DISP3: variants seen among roughly 807,000 people sequenced by gnomAD.
DISP3 encodes protein dispatched homolog 3.
A neutral mutation model predicts 135.3 loss-of-function variants in DISP3; 101 were observed. That is an observed-to-expected ratio of 0.75 (90% CI 0.64 to 0.88). The LOEUF (loss-of-function observed/expected upper bound fraction) is 0.88. Among genes scored for constraint, DISP3 ranks in the 40% least tolerant of loss-of-function variants. DISP3 has a pLI of 0.00. For synonymous variants in DISP3, 856 were observed against 817.0 expected (o/e 1.05, Z -0.81); for missense variants, 1,713 against 1,878.6 (o/e 0.91, Z 1.63).
chr1:11,524,048 C>G lies in DISP3; in HGVS notation c.2469C>G (p.Thr823=). ...GVPWASRPEA[T]LQDFPGTVYI... Reference sequence around the variant, plus strand: ...CCTGGGCTAGCCGGCCTGAGGCCACCCTGCAGGGTGAGCACTGGGGGTGGA... The same window carrying G: ...CCTGGGCTAGCCGGCCTGAGGCCACGCTGCAGGGTGAGCACTGGGGGTGGA... The change falls in exon 11 of 21, where the codon ACC becomes ACG. Residue 823 remains threonine (T), a synonymous_variant. Transcript: ENST00000294484. 3 of 1,610,434 alleles carry G rather than the reference C, an allele frequency of 1.9e-6. No homozygotes were observed. Among genetic ancestry groups the G allele is most frequent in the Non-Finnish European group, 1.7e-6 (2 of 1,177,286 alleles).
chr1:11,514,383 C>T lies in DISP3; in HGVS notation c.1317-7C>T. ...CATTCTTTTCTCCACGTCCTCCCTT[C>T]CCCCAGCAAAGTCCAGGTTCTCTAT... is the stretch of plus-strand genomic sequence containing the variant. On this transcript the variant is annotated splice_polypyrimidine_tract_variant and splice_region_variant and intron_variant, in intron 3 of 20. Coordinates refer to ENST00000294484, the MANE Select transcript of DISP3 (RefSeq NM_020780.2). 6.2e-7 allele frequency: 1 copy of T among 1,606,920 alleles called. No homozygotes were observed. Among genetic ancestry groups the T allele is most frequent in the Non-Finnish European group, 8.5e-7 (1 of 1,173,586 alleles).
chr1:11,479,243 T>A lies in DISP3; in HGVS notation c.-133T>A, dbSNP rs1203775471. ...AGGGGGAGCCCCAGCCTCCTGCGGC[T>A]CCGAGAAGCTTCCCCCTGCGACTTC... is the stretch of plus-strand genomic sequence containing the variant. On this transcript the variant is annotated 5_prime_UTR_variant, in exon 1 of 21. Coordinates refer to ENST00000294484, the MANE Select transcript of DISP3 (RefSeq NM_020780.2). 6.2e-6 allele frequency: 1 copy of A among 160,176 alleles called. No homozygotes were observed. Among genetic ancestry groups the A allele is most frequent in the African/African-American group, 2.4e-5 (1 of 41,404 alleles). 9.9% of individuals were successfully genotyped at this position (160,176 alleles called of 1,614,324 possible).
intron 10 of DISP3, among the ~76,000 whole-genome samples, chr1:11,522,859 GACCCA>G (rs1642274276): frequency 3.9e-4 from 9 of 22,990 alleles, no homozygotes; most frequent in South Asian, 1.5e-3. Flanking sequence ...GCCCAGCCAG[GACCCA>G]GCCAGAGCCC....
chr1:11,489,639 T>C (rs995907427), intron 1 of DISP3, among the ~76,000 whole-genome samples: 2 of 152,132 alleles, frequency 1.3e-5, no homozygotes, highest in African/African-American at 4.8e-5. Context: ...AGGCAGAAGA[T>C]TTAGAGAGCA....
In DISP3 at chr1:11,525,311, AGGTGAGCCTGGGCTGTCGTGAAGTGAGCC is replaced by A; in HGVS notation, c.2613+1_2613+29del. ...GGGGATGGAGAGGTGCCCTCCTTCC[AGGTGAGCCTGGGCTGTCGTGAAGTGAGCC>A]GCCACCACTGTGGGTGGTGGGGGGC... On this transcript the variant is annotated splice_donor_variant and splice_donor_5th_base_variant and coding_sequence_variant and intron_variant, in exon 12 of 21. Coordinates refer to ENST00000294484, the MANE Select transcript of DISP3 (RefSeq NM_020780.2). LOFTEE classifies it high-confidence loss of function. 1 of 1,612,756 alleles carries A rather than the reference AGGTGAGCCTGGGCTGTCGTGAAGTGAGCC, an allele frequency of 6.2e-7. No homozygotes were observed. Among genetic ancestry groups the A allele is most frequent in the Non-Finnish European group, 8.5e-7 (1 of 1,179,218 alleles).
At position 11,529,231 on chromosome 1, in the gene DISP3, G is replaced by A. The variant is rs1642508390; in HGVS notation, c.2799-325G>A. Among the ~76,000 whole-genome samples the A allele has an allele frequency of 6.6e-6, 1 of 152,208 alleles. No individual in the cohort carries two copies. The highest frequency in any genetic ancestry group is 2.1e-4 in the South Asian group (1 of 4,826). ...CCCTGGGGGTCCCTCCTGAACCCTCGTACCCCCGGGGGACAGTTTGAAAGC... is the reference window on the plus strand; with the variant it reads ...CCCTGGGGGTCCCTCCTGAACCCTCATACCCCCGGGGGACAGTTTGAAAGC... On this transcript the variant is annotated intron_variant, in intron 13 of 20. Coordinates refer to ENST00000294484, the MANE Select transcript of DISP3 (RefSeq NM_020780.2). The surrounding 1 kb of genome is among the most constrained non-coding windows in gnomAD (Gnocchi z 4.7).
intron 1 of DISP3, among the ~76,000 whole-genome samples, chr1:11,479,939 GC>G (rs1232428550): frequency 6.6e-6 from 1 of 152,192 alleles, no homozygotes; most frequent in East Asian, 1.9e-4. Context: ...GGCCGGGCCA[GC>G]GATGGATCCG....
At chr1:11,509,449 G>C (rs890677211) in intron 3 of DISP3, among the ~76,000 whole-genome samples, 1 of 152,006 alleles carries the variant, frequency 6.6e-6, no homozygotes, top group African/African-American at 2.4e-5. Context: ...TATCCTTACT[G>C]ATTTTCTGTC....
chr1:11,536,785 G>T lies in DISP3; in HGVS notation c.*99G>T. ...TCAGCTAGCTGTGTCCCCAGGCCTG[G>T]GCCCAGGGCGCCCTGCGGGCCAGCG... On this transcript the variant is annotated 3_prime_UTR_variant, in exon 21 of 21. Transcript: ENST00000294484. This position sits in a 1 kb window ranked among gnomAD's most constrained non-coding sequence, Gnocchi z 4.3. The T allele has an allele frequency of 1.4e-6, 2 of 1,408,320 alleles. No homozygotes were observed. 87.2% of individuals were successfully genotyped at this position (1,408,320 alleles called of 1,614,324 possible).
intron 10 of DISP3, among the ~76,000 whole-genome samples, chr1:11,521,917 C>T (rs1642206899): frequency 6.6e-6 from 1 of 152,064 alleles, no homozygotes; most frequent in Non-Finnish European, 1.5e-5. Context: ...AGGGAGTCTC[C>T]CAGGTGCTGT....
At chr1:11,496,342 A>G (rs1327104723) in intron 1 of DISP3, among the ~76,000 whole-genome samples, 2 of 152,092 alleles carry the variant, frequency 1.3e-5, no homozygotes, top group Admixed American at 6.5e-5. Context: ...ATTTTTGACT[A>G]CCTCTGAGTG....
chr1:11,515,570 C>A (rs961528331), intron 5 of DISP3, 67 bp downstream of exon 5: 2 of 1,540,790 alleles, frequency 1.3e-6, no homozygotes, highest in Admixed American at 4.0e-5. Context: ...CCCCTTTCTC[C>A]CTGGATACAA....
At chr1:11,507,779 C>G (rs1272333555) in intron 3 of DISP3, among the ~76,000 whole-genome samples, 1 of 152,192 alleles carries the variant, frequency 6.6e-6, no homozygotes, top group Non-Finnish European at 1.5e-5. Context: ...TACTGGTCTT[C>G]CATGAGCTAT....
At chr1:11,493,923 C>T (rs560588758) in intron 1 of DISP3, among the ~76,000 whole-genome samples, 1 of 152,352 alleles carries the variant, frequency 6.6e-6, no homozygotes, top group South Asian at 2.1e-4. Flanking sequence ...CCCTGAGTTG[C>T]CACCTGCTGA....
At chr1:11,485,534 G>T (rs994910683) in intron 1 of DISP3, among the ~76,000 whole-genome samples, 1 of 152,132 alleles carries the variant, frequency 6.6e-6, no homozygotes, top group Admixed American at 6.5e-5. Context: ...GGTGGGGAAG[G>T]TTGTGGCAAA....
At chr1:11,487,971 G>A (rs535092312) in intron 1 of DISP3, among the ~76,000 whole-genome samples, 2 of 152,210 alleles carry the variant, frequency 1.3e-5, no homozygotes, top group African/African-American at 2.4e-5. Flanking sequence ...TGGAATAGAC[G>A]GAGCCCCGTT....
rs191251364 is a variant in DISP3, at chr1:11,514,748, C to A, written c.1453+222C>A. ...CCGGGTCACACCCTCTACCCTGGGCCCCTGCACAGTTGGACCTTTTGCCTG... is the reference window on the plus strand; with the variant it reads ...CCGGGTCACACCCTCTACCCTGGGCACCTGCACAGTTGGACCTTTTGCCTG... On this transcript the variant is annotated intron_variant, in intron 4 of 20. Transcript: ENST00000294484. 1.5e-3 allele frequency among the ~76,000 whole-genome samples: 234 copies of A among 152,370 alleles called. 2 individuals carry two copies. Among genetic ancestry groups the A allele is most frequent in the Non-Finnish European group, 1.2e-3 (79 of 68,030 alleles).
In DISP3 at chr1:11,515,435, A is replaced by G; in HGVS notation, c.1520A>G (p.His507Arg). Residue 507 changes from histidine to arginine, a missense_variant, in exon 5 of 21, where the codon CAC (histidine) becomes CGC (arginine). By Grantham distance (29) the His-to-Arg change is conservative. Coordinates refer to ENST00000294484, the MANE Select transcript of DISP3 (RefSeq NM_020780.2). ...TGCCTGGTGGCCCTCTTCCTGTACC[A>G]CGTGGTCTTTGGTATCCAGTACTTG... is the stretch of plus-strand genomic sequence containing the variant. ...LSCLVALFLY[H>R]VVFGIQYLGI... is the part of the protein sequence containing the mutation. 1.2e-6 allele frequency: 2 copies of G among 1,613,980 alleles called. No individual in the cohort carries two copies. Among genetic ancestry groups the G allele is most frequent in the Non-Finnish European group, 1.7e-6 (2 of 1,179,890 alleles).
At chr1:11,525,396 C>T in intron 12 of DISP3, 84 bp downstream of exon 12, 2 of 1,462,712 alleles carry the variant, frequency 1.4e-6, no homozygotes, top group Non-Finnish European at 9.1e-7. Context: ...GCAGCCCTGG[C>T]CAATAGGGAG....
Sources: allele counts gnomAD v4.1 joint callset (sites outside exome capture counted in the v4.1 genomes callset), GRCh38; gene constraint gnomAD v4.1.1; non-coding constraint Gnocchi (gnomAD v3.1); transcripts MANE v1.5; gene names NCBI Gene and HGNC (gene_info 2026-07-23, HGNC 2026-07-21).